Variants in SLC15A4 observed in about 807,000 individuals in gnomAD.
SLC15A4 encodes the protein solute carrier family 15 member 4.
In SLC15A4, 26 loss-of-function variants were observed where a neutral mutation model predicts 46.1. That is an observed-to-expected ratio of 0.56 (90% CI 0.41 to 0.78). SLC15A4 has a LOEUF of 0.78. Ranked by LOEUF, SLC15A4 falls within the 30% of genes least tolerant of loss-of-function variation. The probability of loss-of-function intolerance (pLI) is 0.00; values close to 1 mark genes in which losing one functional copy is unlikely to be tolerated. For missense variants in SLC15A4, 751 were observed against 755.7 expected (o/e 0.99, Z 0.07); for synonymous variants, 370 against 333.4 (o/e 1.11, Z -1.20).
Position 128,794,110 on chromosome 12 carries a change from G to T in SLC15A4, c.*86C>A. The T allele has an allele frequency of 8.0e-7, 1 of 1,251,574 alleles. No homozygotes were observed. Among genetic ancestry groups the T allele is most frequent in the Non-Finnish European group, 1.1e-6 (1 of 901,886 alleles). The allele number at this position is 1,251,574 out of a possible 1,614,324, so 77.5% of individuals were successfully genotyped here. A position where few individuals can be genotyped will look rare whatever the true frequency, so the allele number is the denominator to read the frequency against. On this transcript the variant is annotated 3_prime_UTR_variant, in exon 8 of 8. Transcript: ENST00000266771. ...TTTCAGTGAAGTCAGACATTTTATG[G>T]GAATTTAAAGTCTTGCCTGTTCTCA...
At chr12:128,794,610 C>A (rs780265928) in intron 7 of SLC15A4, among the ~76,000 whole-genome samples, 1 of 152,190 alleles carries the variant, frequency 6.6e-6, no homozygotes, top group Non-Finnish European at 1.5e-5. Flanking sequence ...CCCCTAGCAG[C>A]CCATCCCTCT....
At position 128,823,538 on chromosome 12, in the gene SLC15A4, C is replaced by A. The variant is rs1287893630; in HGVS notation, c.406G>T (p.Ala136Ser). The change falls in exon 1 of 8, where the codon GCG (alanine) becomes TCG (serine). Residue 136 changes from alanine (A) to serine (S), a missense_variant. Physicochemically the swap from Ala to Ser is moderately conservative, Grantham distance 99 (BLOSUM62 1). Transcript: ENST00000266771. Reference sequence around the variant, plus strand: ...GGCGCCGTGCAGTTGAGCAGGCGCGCGGAACCGCAGAGCGCGGCTCGCGTG... The same window carrying A: ...GGCGCCGTGCAGTTGAGCAGGCGCGAGGAACCGCAGAGCGCGGCTCGCGTG... Reference protein sequence around the residue: ...PATRAALCGSARLLNCTAPGP... With the variant: ...PATRAALCGSSRLLNCTAPGP... The A allele has an allele frequency of 2.7e-6, 4 of 1,464,540 alleles. No homozygotes were observed. The highest frequency in any genetic ancestry group is 2.5e-5 in the Admixed American group (1 of 39,744). 90.7% of individuals were successfully genotyped at this position (1,464,540 alleles called of 1,614,324 possible).
chr12:128,823,644 C>T lies in SLC15A4; in HGVS notation c.300G>A (p.Leu100=), dbSNP rs1395811029. The part of the protein sequence containing the change: ...PFGGWLADAR[L]GRARAILLSL... ...TCAGCAGGATGGCGCGCGCCCGGCC[C>T]AGCCGCGCGTCGGCCAGCCAGCCTC... is the stretch of plus-strand genomic sequence containing the variant. The change falls in exon 1 of 8, where the codon CTG becomes CTA. Residue 100 remains leucine, a synonymous_variant. Transcript: ENST00000266771. 2 of 1,488,520 alleles carry T rather than the reference C, an allele frequency of 1.3e-6. No homozygotes were observed. Among genetic ancestry groups the T allele is most frequent in the East Asian group, 2.9e-5 (1 of 34,872 alleles). 92.2% of individuals were successfully genotyped at this position (1,488,520 alleles called of 1,614,324 possible).
intron 1 of SLC15A4, chr12:128,815,802 C>G (rs1955743738): frequency 6.6e-6 from 1 of 152,456 alleles, no homozygotes; most frequent in South Asian, 2.1e-4. Flanking sequence ...CAGGTGACTT[C>G]TACTCACAGG....
Position 128,809,385 on chromosome 12 carries a change from ATT to A in SLC15A4, c.1089+9_1089+10del, listed in dbSNP as rs1955626211. ...AAATAACAATGTTCAGATCATTACA[ATT>A]GTTCTTACCGTGTGAGGAGTGGTTG... On this transcript the variant is annotated intron_variant, in intron 4 of 7. Transcript: ENST00000266771. 6.4e-7 allele frequency: 1 copy of A among 1,555,694 alleles called. No homozygotes were observed. The highest frequency in any genetic ancestry group is 1.8e-5 in the Admixed American group (1 of 56,380).
chr12:128,800,617 C>T lies in SLC15A4; in HGVS notation c.1414+237G>A, dbSNP rs139152830. Reference sequence around the variant, plus strand: ...CTTCTTCTCTGTCCTGTGGCACTTACAAGGTAGTTAACAAACTTTCATGAA... The same window carrying T: ...CTTCTTCTCTGTCCTGTGGCACTTATAAGGTAGTTAACAAACTTTCATGAA... On this transcript the variant is annotated intron_variant, in intron 6 of 7. Coordinates refer to ENST00000266771, the MANE Select transcript of SLC15A4 (RefSeq NM_145648.4). Among the ~76,000 whole-genome samples the T allele has an allele frequency of 2.8e-3, 421 of 152,308 alleles. 1 individual carries two copies. Among genetic ancestry groups the T allele is most frequent in the African/African-American group, 9.7e-3 (405 of 41,564 alleles).
chr12:128,797,817 C>T (rs968089093), intron 7 of SLC15A4, among the ~76,000 whole-genome samples: 8 of 152,218 alleles, frequency 5.3e-5, no homozygotes, highest in South Asian at 2.1e-4. Flanking sequence ...CTACCCAGGA[C>T]GCCAAGGGCT....
chr12:128,807,815 G>A (rs151112241), intron 5 of SLC15A4, among the ~76,000 whole-genome samples: 1 of 152,328 alleles, frequency 6.6e-6, no homozygotes, highest in African/African-American at 2.4e-5. Flanking sequence ...AAAAGAAAAT[G>A]CAATAGTCTT....
Position 128,815,066 on chromosome 12 carries a change from T to G in SLC15A4, c.551A>C (p.Lys184Thr). ...NITPFGADQV[K>T]DRGPEATRRF... The stretch of plus-strand genomic sequence containing the variant: ...CCTAGTGGCTTCCGGACCTCGATCT[T>G]TAACCTAAAATAACAGGGAGGAAAG... Residue 184 changes from lysine (K) to threonine (T), a missense_variant, in exon 2 of 8, where the codon AAA becomes ACA. Coordinates refer to ENST00000266771, the MANE Select transcript of SLC15A4 (RefSeq NM_145648.4). 6.2e-7 allele frequency: 1 copy of G among 1,605,690 alleles called. No homozygotes were observed. The highest frequency in any genetic ancestry group is 8.5e-7 in the Non-Finnish European group (1 of 1,173,068).
intron 5 of SLC15A4, among the ~76,000 whole-genome samples, chr12:128,803,164 T>C (rs756241108): frequency 1.5e-4 from 23 of 152,144 alleles, no homozygotes; most frequent in Non-Finnish European, 3.1e-4. Context: ...CATCCACTTG[T>C]ATCAGTTCAA....
chr12:128,799,215 C>A, intron 7 of SLC15A4, 44 bp downstream of exon 7: 1 of 1,608,128 alleles, frequency 6.2e-7, no homozygotes, highest in African/African-American at 1.3e-5. Flanking sequence ...CTGCGCCTCC[C>A]CCTCACTGGC....
At chr12:128,795,790 G>A (rs1047663167) in intron 7 of SLC15A4, among the ~76,000 whole-genome samples, 9 of 152,156 alleles carry the variant, frequency 5.9e-5, no homozygotes, top group African/African-American at 2.2e-4. Context: ...GCCGAGTGTC[G>A]CCCTGTGCTC....
intron 2 of SLC15A4, among the ~76,000 whole-genome samples, chr12:128,811,752 CAAAT>C (rs1383184956): frequency 2.0e-5 from 3 of 152,284 alleles, no homozygotes; most frequent in African/African-American, 7.2e-5. Context: ...ATTTAAATAA[CAAAT>C]AAACCCATTT....
intron 5 of SLC15A4, among the ~76,000 whole-genome samples, chr12:128,806,607 T>C (rs1022663683): frequency 2.6e-5 from 4 of 152,226 alleles, no homozygotes; most frequent in African/African-American, 4.8e-5. Context: ...TAATAGATTG[T>C]ACTCATGTCA....
At chr12:128,807,433 G>A (rs1000563082) in intron 5 of SLC15A4, among the ~76,000 whole-genome samples, 5 of 152,230 alleles carry the variant, frequency 3.3e-5, no homozygotes, top group Admixed American at 2.6e-4. Flanking sequence ...AACCAAGGAC[G>A]TCTCCTTTCC....
intron 1 of SLC15A4, among the ~76,000 whole-genome samples, chr12:128,817,559 C>T (rs1354882432): frequency 2.6e-5 from 4 of 152,196 alleles, no homozygotes; most frequent in Admixed American, 6.5e-5. Flanking sequence ...CGGGCCTTCC[C>T]GTTACCCACA....
intron 5 of SLC15A4, among the ~76,000 whole-genome samples, chr12:128,804,056 CTAAT>C (rs1955550039): frequency 6.6e-6 from 1 of 152,194 alleles, no homozygotes; most frequent in South Asian, 2.1e-4. Context: ...TGTAAAAGAC[CTAAT>C]TAATACCGTT....
chr12:128,796,184 G>T (rs1955439826), intron 7 of SLC15A4, among the ~76,000 whole-genome samples: 1 of 152,178 alleles, frequency 6.6e-6, no homozygotes. Flanking sequence ...CAGCACTTTG[G>T]GAGGCCAAGG....
rs1313658872 is a variant in SLC15A4, at chr12:128,793,859, A to G, written c.*337T>C. The G allele has an allele frequency of 1.0e-5, 2 of 196,616 alleles. No individual in the cohort carries two copies. Among genetic ancestry groups the G allele is most frequent in the African/African-American group, 4.6e-5 (2 of 43,124 alleles). The allele number at this position is 196,616 out of a possible 1,614,324, so 12.2% of individuals were successfully genotyped here. On this transcript the variant is annotated 3_prime_UTR_variant, in exon 8 of 8. Transcript: ENST00000266771. Reference sequence around the variant, plus strand: ...TGTTTAAGAAACTGGGATGCCAACTAACACGTGGAGTTCCCCAAGACTTTG... The same window carrying G: ...TGTTTAAGAAACTGGGATGCCAACTGACACGTGGAGTTCCCCAAGACTTTG...
Sources: gnomAD v4.1 joint callset for allele counts (sites outside exome capture counted in the v4.1 genomes callset) on GRCh38, gnomAD v4.1.1 for gene constraint, MANE v1.5 for transcripts, NCBI Gene and HGNC (gene_info 2026-07-23, HGNC 2026-07-21) for gene names.